The following CRB1 variants were observed in gnomAD, a reference collection of about 807,000 sequenced individuals.
CRB1 encodes the protein protein crumbs homolog 1.
Under a neutral mutation model 120.0 loss-of-function variants are expected in CRB1, and 83 were observed. The ratio of observed to expected loss-of-function variants is 0.69; its 90% CI spans 0.58 to 0.83. CRB1 has a LOEUF of 0.83. Ranked by LOEUF, CRB1 falls within the 40% of genes least tolerant of loss-of-function variation. The pLI is 0.00. For missense variants in CRB1, 1,699 were observed against 1,687.6 expected (o/e 1.01, Z -0.12); for synonymous variants, 625 against 612.5 (o/e 1.02, Z -0.30).
At chr1:197,295,347 A>G (rs1656457754) in intron 1 of CRB1, among the ~76,000 whole-genome samples, 1 of 152,010 alleles carries the variant, frequency 6.6e-6, no homozygotes, top group Non-Finnish European at 1.5e-5. Flanking sequence ...TAGTGTGTCA[A>G]AACCCAAGAG....
chr1:197,434,731 A>G lies in CRB1; in HGVS notation c.2868A>G (p.Gly956=), dbSNP rs1359395833. The change falls in exon 9 of 12, where the codon GGA becomes GGG. Residue 956 remains glycine, a synonymous_variant. Coordinates refer to ENST00000367400, the MANE Select transcript of CRB1 (RefSeq NM_201253.3). Reference sequence around the variant, plus strand: ...GTATTGCAAATGCTGTTTTTAATGGACAAAGCGGTCAAATATTATTCAGAA... The same window carrying G: ...GTATTGCAAATGCTGTTTTTAATGGGCAAAGCGGTCAAATATTATTCAGAA... The part of the protein sequence containing the change: ...FECIANAVFN[G]QSGQILFRSN... The G allele has an allele frequency of 1.2e-6, 2 of 1,613,522 alleles. No homozygotes were observed. Among genetic ancestry groups the G allele is most frequent in the Non-Finnish European group, 1.7e-6 (2 of 1,179,592 alleles).
At chr1:197,432,723 G>T (rs1664933550) in intron 8 of CRB1, among the ~76,000 whole-genome samples, 1 of 152,202 alleles carries the variant, frequency 6.6e-6, no homozygotes, top group African/African-American at 2.4e-5. Context: ...AATTTTAAGT[G>T]GTAATGGGAG....
Position 197,310,832 on chromosome 1 carries a change from T to G in CRB1, c.71-17590T>G, listed in dbSNP as rs1030599897. ...AGGGGAGTAGGAAATATCATATGCT[T>G]CTCTTTGCATTATGTTTGTTAATAT... On this transcript the variant is annotated intron_variant, in intron 1 of 11. Transcript: ENST00000367400. Among the ~76,000 whole-genome samples the G allele has an allele frequency of 2.6e-5, 4 of 152,134 alleles. No homozygotes were observed. In the South Asian group the frequency reaches 8.3e-4, roughly 32 times the overall value.
At chr1:197,391,778 TAGTGA>T (rs1206524004) in intron 5 of CRB1, among the ~76,000 whole-genome samples, 1 of 152,000 alleles carries the variant, frequency 6.6e-6, no homozygotes, top group Admixed American at 6.6e-5. Context: ...GATGGTGAGT[TAGTGA>T]AGGAAAAAAT....
At chr1:197,210,752 G>A in the CRB1 span, among the ~76,000 whole-genome samples, 2 of 152,162 alleles carry the variant, frequency 1.3e-5, no homozygotes, top group South Asian at 2.1e-4. Flanking sequence ...GATGCCAAAA[G>A]TTTTTGTCAG....
At chr1:197,225,711 T>A in the CRB1 span, among the ~76,000 whole-genome samples, 1 of 152,228 alleles carries the variant, frequency 6.6e-6, no homozygotes, top group Non-Finnish European at 1.5e-5. Flanking sequence ...ACAGCCATTT[T>A]GGATCTTGGG....
intron 1 of CRB1, among the ~76,000 whole-genome samples, chr1:197,299,311 C>G (rs1460945546): frequency 6.6e-6 from 1 of 152,084 alleles, no homozygotes; most frequent in Admixed American, 6.6e-5. Flanking sequence ...TGCCATTTTG[C>G]ATCTAGATTG....
chr1:197,285,620 A>G (rs1331150029), intron 1 of CRB1, among the ~76,000 whole-genome samples: 1 of 151,892 alleles, frequency 6.6e-6, no homozygotes, highest in Non-Finnish European at 1.5e-5. Context: ...GTTGAAGCCA[A>G]TGTGATAGAA....
chr1:197,288,382 G>A (rs1393761171), intron 1 of CRB1, among the ~76,000 whole-genome samples: 1 of 151,810 alleles, frequency 6.6e-6, no homozygotes, highest in Non-Finnish European at 1.5e-5. Context: ...ATTCGATACG[G>A]TCTTGTGCTG....
At chr1:197,465,353 G>C (rs1666707462) in intron 11 of CRB1, among the ~76,000 whole-genome samples, 1 of 151,922 alleles carries the variant, frequency 6.6e-6, no homozygotes, top group African/African-American at 2.4e-5. Context: ...TAGGTGAACT[G>C]TTAGTAAAGT....
intron 11 of CRB1, among the ~76,000 whole-genome samples, chr1:197,464,474 ATTTTTT>A (rs910647431): frequency 6.8e-6 from 1 of 147,636 alleles, no homozygotes; most frequent in Non-Finnish European, 1.5e-5. Flanking sequence ...CAAGGGAAGT[ATTTTTT>A]TTTTTAAAGG....
intron 9 of CRB1, among the ~76,000 whole-genome samples, chr1:197,436,452 T>C (rs1665166455): frequency 6.6e-6 from 1 of 152,120 alleles, no homozygotes; most frequent in East Asian, 1.9e-4. Flanking sequence ...AAACATGTGT[T>C]GTTCAAGGGT....
the CRB1 span, among the ~76,000 whole-genome samples, chr1:197,259,769 T>C: frequency 1.1e-4 from 17 of 152,134 alleles, no homozygotes; most frequent in African/African-American, 4.1e-4. Context: ...CCATTATACT[T>C]GGAATAGTTG....
At position 197,328,863 on chromosome 1, in the gene CRB1, C is replaced by T; in HGVS notation, c.512C>T (p.Ser171Phe). Residue 171 changes from serine to phenylalanine, a missense_variant, in exon 2 of 12, where the codon TCC becomes TTC. Ser to Phe is a radical substitution (Grantham distance 155). Transcript: ENST00000367400. ...AVCQDGIDGYSCFCVPGYQGR... is the reference protein window; with the variant it reads ...AVCQDGIDGYFCFCVPGYQGR... ...TGCCAGGATGGAATTGATGGTTACT[C>T]CTGCTTCTGTGTCCCAGGATATCAA... The T allele has an allele frequency of 1.2e-6, 2 of 1,614,182 alleles. No homozygotes were observed. The highest frequency in any genetic ancestry group is 1.1e-5 in the South Asian group (1 of 91,070).
At chr1:197,404,006 A>T (rs999369171) in intron 5 of CRB1, among the ~76,000 whole-genome samples, 1 of 152,198 alleles carries the variant, frequency 6.6e-6, no homozygotes, top group African/African-American at 2.4e-5. Flanking sequence ...CTGTACTAGG[A>T]TCTAACCAGT....
In CRB1 at chr1:197,428,543, C is replaced by T. The variant is rs551198276; in HGVS notation, c.2676+542C>T. ...TCTAAGAGCTGCTTAAATACAAGAA[C>T]TTGTCAGCTCTGCATGACCTTTCAA... On this transcript the variant is annotated intron_variant, in intron 7 of 11. Coordinates refer to ENST00000367400, the MANE Select transcript of CRB1 (RefSeq NM_201253.3). Among the ~76,000 whole-genome samples, 4 of 152,322 alleles carry T rather than the reference C, an allele frequency of 2.6e-5. No homozygotes were observed. The East Asian group carries it at 7.7e-4, about 29-fold the overall frequency.
At chr1:197,362,069 T>A (rs1314735265) in intron 5 of CRB1, among the ~76,000 whole-genome samples, 5 of 152,068 alleles carry the variant, frequency 3.3e-5, no homozygotes. Context: ...ATTTTTAAAA[T>A]TCCTTTTTGA....
rs1662592566 is a variant in CRB1 at position 197,393,096 on chromosome 1, CAAATT to C, written c.1172-27900_1172-27896del. On this transcript the variant is annotated intron_variant, in intron 5 of 11. Coordinates refer to ENST00000367400, the MANE Select transcript of CRB1 (RefSeq NM_201253.3). ...CATAAATATAGTTAGGGCTGTTAAT[CAAATT>C]AAACAGGACATTTTAAAACACAGTT... Among the ~76,000 whole-genome samples the C allele has an allele frequency of 2.0e-5, 3 of 151,816 alleles. No individual in the cohort carries two copies. In the South Asian group the frequency reaches 6.2e-4, roughly 32 times the overall value.
intron 1 of CRB1, among the ~76,000 whole-genome samples, chr1:197,274,231 G>C (rs1325514032): frequency 6.6e-6 from 1 of 151,988 alleles, no homozygotes; most frequent in Admixed American, 6.6e-5. Context: ...ATATATAGCG[G>C]TATTGGACTG....
Sources: allele counts gnomAD v4.1 joint callset (sites outside exome capture counted in the v4.1 genomes callset), GRCh38; gene constraint gnomAD v4.1.1; transcripts MANE v1.5; gene names NCBI Gene and HGNC (gene_info 2026-07-23, HGNC 2026-07-21).